The following DIP2A variants were observed in gnomAD, a reference collection of about 807,000 sequenced individuals.
DIP2A encodes the protein disco-interacting protein 2 homolog A.
In DIP2A, 85 loss-of-function variants were observed where a neutral mutation model predicts 177.4. The ratio of observed to expected loss-of-function variants is 0.48; its 90% confidence interval spans 0.40 to 0.57. The LOEUF (loss-of-function observed/expected upper bound fraction) is 0.57, where lower values mean the gene tolerates loss of function less well. Ranked by LOEUF, DIP2A falls within the 20% of genes least tolerant of loss-of-function variation. The pLI, the probability that DIP2A is intolerant of heterozygous loss-of-function variation, is 0.00. For synonymous variants in DIP2A, 886 were observed against 881.8 expected, an observed-to-expected ratio of 1.00 and a Z score of -0.08; for missense variants, 1,791 against 2,100.2, an observed-to-expected ratio of 0.85 and a Z score of 2.88.
At chr21:46,513,619 T>G (rs1301063496) in intron 8 of DIP2A, among the ~76,000 whole-genome samples, 2 of 152,306 alleles carry the variant, frequency 1.3e-5, no homozygotes, top group East Asian at 3.9e-4. Context: ...ACTGGGATAT[T>G]GATTGGCATT....
intron 8 of DIP2A, among the ~76,000 whole-genome samples, chr21:46,518,131 C>T (rs986901613): frequency 2.6e-5 from 4 of 152,214 alleles, no homozygotes; most frequent in African/African-American, 7.2e-5. Context: ...ATGAATATAT[C>T]AGAATTTACT....
At chr21:46,490,462 A>G (rs371584919) in intron 2 of DIP2A, 138 bp from the exon 3 acceptor site, 2 of 1,060,022 alleles carry the variant, frequency 1.9e-6, no homozygotes, top group East Asian at 2.7e-5. Context: ...TTATGCGTCT[A>G]TCACTGACTT....
rs761845292 is a variant in DIP2A, at chr21:46,511,378, T to C, written c.905-39T>C. 5.8e-6 allele frequency: 9 copies of C among 1,555,534 alleles called. No homozygotes were observed. The East Asian group carries it at 1.2e-4, about 21-fold the overall frequency. Reference sequence around the variant, plus strand: ...TAAAAACAGAATGTGTTCGTGGTGCTCTGAATTGCTGATTTTAAAGTTTTG... The same window carrying C: ...TAAAAACAGAATGTGTTCGTGGTGCCCTGAATTGCTGATTTTAAAGTTTTG... On this transcript the variant is annotated intron_variant, in intron 7 of 37. Coordinates refer to ENST00000417564, the MANE Select transcript of DIP2A (RefSeq NM_015151.4).
chr21:46,568,333 A>T lies in DIP2A; in HGVS notation c.*711A>T, dbSNP rs2060890560. 1 of 152,224 alleles carries T rather than the reference A, an allele frequency of 6.6e-6. No homozygotes were observed. Among genetic ancestry groups the T allele is most frequent in the Non-Finnish European group, 1.5e-5 (1 of 68,078 alleles). The allele number at this position is 152,224 out of a possible 1,614,324, so 9.4% of individuals were successfully genotyped here. On this transcript the variant is annotated 3_prime_UTR_variant, in exon 38 of 38. Transcript: ENST00000417564. ...CAGGAGACCGAGACCATCCTGGCTA[A>T]CATGGTGAAACCCTGTCTCTACTAA... is the stretch of plus-strand genomic sequence containing the variant.
At position 46,461,271 on chromosome 21, in the gene DIP2A, C is replaced by CAA. The variant is rs60346777; in HGVS notation, c.91+2070_91+2071dup. Among the ~76,000 whole-genome samples, 149 of 49,310 alleles carry CAA rather than the reference C, an allele frequency of 3.0e-3. 4 individuals carry two copies. Among genetic ancestry groups the CAA allele is most frequent in the African/African-American group, 0.011 (130 of 11,832 alleles). The allele number at this position is 49,310 out of a possible 152,430, so 32.3% of individuals were successfully genotyped here. ...AGAGCGAGAACCTGTCTCTTCTCAC[C>CAA]AAAAAAAAAAAAAAAAAAAAAAGGA... is the stretch of plus-strand genomic sequence containing the variant. On this transcript the variant is annotated intron_variant, in intron 1 of 37. Transcript: ENST00000417564.
chr21:46,487,969 G>T (rs2056790193), intron 2 of DIP2A, among the ~76,000 whole-genome samples: 1 of 152,180 alleles, frequency 6.6e-6, no homozygotes, highest in Non-Finnish European at 1.5e-5. Flanking sequence ...TGACCCATTA[G>T]AAGAGGCAAA....
At chr21:46,519,290 G>A (rs1356714370) in intron 8 of DIP2A, among the ~76,000 whole-genome samples, 1 of 152,106 alleles carries the variant, frequency 6.6e-6, no homozygotes, top group Non-Finnish European at 1.5e-5. Flanking sequence ...CCTGTATCTT[G>A]TGCCGACCTC....
intron 16 of DIP2A, 36 bp downstream of exon 16, chr21:46,538,638 C>G (rs2059673082): frequency 1.3e-6 from 2 of 1,541,632 alleles, no homozygotes; most frequent in Admixed American, 3.9e-5. Flanking sequence ...ATACCCCACA[C>G]AGTGTCCCCT....
the DIP2A span, among the ~76,000 whole-genome samples, chr21:46,580,098 G>A: frequency 6.6e-6 from 1 of 152,124 alleles, no homozygotes; most frequent in African/African-American, 2.4e-5. Flanking sequence ...CTCTTTGTAG[G>A]TCTCTAAAAA....
chr21:46,537,207 T>G lies in DIP2A; in HGVS notation c.1643-17T>G, dbSNP rs770195254. ...AGAGGGTTGCTCAGTGGTGTCACCTTCTTTGTCCACTTGCAGCTGAAACAT... is the reference window on the plus strand; with the variant it reads ...AGAGGGTTGCTCAGTGGTGTCACCTGCTTTGTCCACTTGCAGCTGAAACAT... On this transcript the variant is annotated splice_polypyrimidine_tract_variant and intron_variant, in intron 13 of 37. Transcript: ENST00000417564. This position sits in a 1 kb window ranked among gnomAD's most constrained non-coding sequence, Gnocchi z 4.1. The G allele has an allele frequency of 2.5e-5, 41 of 1,613,886 alleles. No homozygotes were observed. The South Asian group carries it at 4.1e-4, about 16-fold the overall frequency.
chr21:46,546,419 C>T (rs1196003448), intron 20 of DIP2A: 14 of 586,776 alleles, frequency 2.4e-5, no homozygotes, highest in African/African-American at 6.0e-5. Context: ...GAGGGGAGTG[C>T]TCCTGGCATC....
rs377367343 is a variant in DIP2A at position 46,496,028 on chromosome 21, C to T, written c.284-960C>T. ...CGGAGATTGCAGTGAGCTGAGATCA[C>T]GCCATTGCATTCTAGCCTGGCGACA... On this transcript the variant is annotated intron_variant, in intron 3 of 37. Transcript: ENST00000417564. Among the ~76,000 whole-genome samples, 33 of 151,746 alleles carry T rather than the reference C, an allele frequency of 2.2e-4. No homozygotes were observed. In the East Asian group the frequency reaches 4.2e-3, roughly 19 times the overall value.
At chr21:46,516,305 T>C (rs974907484) in intron 8 of DIP2A, among the ~76,000 whole-genome samples, 4 of 151,962 alleles carry the variant, frequency 2.6e-5, no homozygotes, top group Non-Finnish European at 5.9e-5. Context: ...TCTTACTATA[T>C]TGCTTCTTCC....
chr21:46,551,889 G>C lies in DIP2A; in HGVS notation c.3015G>C (p.Leu1005Phe), dbSNP rs2275974. The change falls in exon 25 of 38, where the codon TTG becomes TTC. Residue 1005 changes from leucine (L) to phenylalanine (F), a missense_variant. Leu to Phe is a conservative substitution (Grantham distance 22). Transcript: ENST00000417564. ...CCACTCCTGACCACCCGCTGTTCTT[G>C]CTGCTGAACGCCAAGGTGAGGCAGT... ...AHTTPDHPLF[L>F]LLNAKGTVTS... 1 of 1,606,032 alleles carries C rather than the reference G, an allele frequency of 6.2e-7. No homozygotes were observed. The highest frequency in any genetic ancestry group is 1.3e-5 in the African/African-American group (1 of 74,810).
Position 46,568,352 on chromosome 21 carries a change from C to G in DIP2A, c.*730C>G, listed in dbSNP as rs531858339. 6.6e-6 allele frequency: 1 copy of G among 152,272 alleles called. No individual in the cohort carries two copies. The highest frequency in any genetic ancestry group is 2.1e-4 in the South Asian group (1 of 4,814). The allele number at this position is 152,272 out of a possible 1,614,324, so 9.4% of individuals were successfully genotyped here. On this transcript the variant is annotated 3_prime_UTR_variant, in exon 38 of 38. Coordinates refer to ENST00000417564, the MANE Select transcript of DIP2A (RefSeq NM_015151.4). ...TGGCTAACATGGTGAAACCCTGTCT[C>G]TACTAAAAATACAAAAAATTAGCCG...
chr21:46,554,095 G>T, intron 25 of DIP2A, 74 bp from the exon 26 acceptor site: 2 of 1,523,160 alleles, frequency 1.3e-6, no homozygotes, highest in Non-Finnish European at 1.8e-6. Flanking sequence ...CGTGCAGGTG[G>T]TGTGCACGCA....
chr21:46,504,386 C>T lies in DIP2A; in HGVS notation c.681C>T (p.Val227=). The T allele has an allele frequency of 6.2e-7, 1 of 1,613,908 alleles. No homozygotes were observed. The highest frequency in any genetic ancestry group is 8.5e-7 in the Non-Finnish European group (1 of 1,179,830). Residue 227 remains valine (V), a synonymous_variant, in exon 6 of 38, where the codon GTC becomes GTT. Coordinates refer to ENST00000417564, the MANE Select transcript of DIP2A (RefSeq NM_015151.4). The part of the protein sequence containing the change: ...HIDLHSAPPD[V]TTGLVEHSYF... ...ATCTGCATTCTGCCCCTCCTGATGT[C>T]ACCACGGGCCTCGTGGAGCATTCGT...
Position 46,490,652 on chromosome 21 carries a change from C to T in DIP2A, c.216C>T (p.Thr72=). 1 of 1,588,926 alleles carries T rather than the reference C, an allele frequency of 6.3e-7. No homozygotes were observed. The highest frequency in any genetic ancestry group is 8.6e-7 in the Non-Finnish European group (1 of 1,167,660). ...AENRIPGPSQ[T]TAAAPKQQKS... ...ATAGAATTCCTGGGCCCTCACAAACCACGGCCGCTGCACCCAAGCAGCAGA... is the reference window on the plus strand; with the variant it reads ...ATAGAATTCCTGGGCCCTCACAAACTACGGCCGCTGCACCCAAGCAGCAGA... The change falls in exon 3 of 38, where the codon ACC becomes ACT. Residue 72 remains threonine, a synonymous_variant. Transcript: ENST00000417564.
chr21:46,562,392 G>A (rs979955412), intron 34 of DIP2A, among the ~76,000 whole-genome samples: 2 of 152,240 alleles, frequency 1.3e-5, no homozygotes, highest in African/African-American at 4.8e-5. Flanking sequence ...AGCATGAAGA[G>A]TAAGCCAGGC....
Sources: allele counts gnomAD v4.1 joint callset (sites outside exome capture counted in the v4.1 genomes callset), GRCh38; gene constraint gnomAD v4.1.1; non-coding constraint Gnocchi (gnomAD v3.1); transcripts MANE v1.5; gene names NCBI Gene and HGNC (gene_info 2026-07-23, HGNC 2026-07-21).